The following AEBP2 variants were observed in gnomAD, a reference collection of about 807,000 sequenced individuals.
The protein encoded by AEBP2 is AE binding protein 2, also known as zinc finger protein AEBP2.
In AEBP2, 10 loss-of-function variants were observed where a neutral mutation model predicts 50.8. The ratio of observed to expected loss-of-function variants is 0.20; its 90% CI spans 0.12 to 0.33. The LOEUF is 0.33. Ranked by LOEUF, AEBP2 falls within the 10% of genes least tolerant of loss-of-function variation. The pLI is 1.00. For missense variants in AEBP2, 570 were observed against 688.0 expected (o/e 0.83, Z 1.92); for synonymous variants, 296 against 261.3 (o/e 1.13, Z -1.28).
At chr12:19,413,112 T>C (rs950761859) in intron 1 of AEBP2, 1 of 671,752 alleles carries the variant, frequency 1.5e-6, no homozygotes, top group African/African-American at 1.8e-5. Flanking sequence ...GAATTCAGTT[T>C]TTCCGGAATT....
At position 19,521,161 on chromosome 12, in the gene AEBP2, C is replaced by G. The variant is rs1949391843; in HGVS notation, c.*3044C>G. ...CTCTGGTCCTTTAAGAAAAAGTTTTCGATTCCTTTGTCTAGTTGACAAAAA... is the reference window on the plus strand; with the variant it reads ...CTCTGGTCCTTTAAGAAAAAGTTTTGGATTCCTTTGTCTAGTTGACAAAAA... On this transcript the variant is annotated 3_prime_UTR_variant, in exon 8 of 8. Transcript: ENST00000266508. 1 of 152,092 alleles carries G rather than the reference C, an allele frequency of 6.6e-6. No individual in the cohort carries two copies. The highest frequency in any genetic ancestry group is 2.1e-4 in the South Asian group (1 of 4,828). The allele number at this position is 152,092 out of a possible 1,614,324, so 9.4% of individuals were successfully genotyped here.
At chr12:19,509,076 C>T in intron 5 of AEBP2, 1 of 576,696 alleles carries the variant, frequency 1.7e-6, no homozygotes. Flanking sequence ...GGGGTTCGTG[C>T]TGTGAGACCT....
chr12:19,425,605 C>T (rs549223806), intron 1 of AEBP2, among the ~76,000 whole-genome samples: 1 of 151,716 alleles, frequency 6.6e-6, no homozygotes, highest in African/African-American at 2.4e-5. Context: ...GAAACCCTGT[C>T]TCTACTAAAA....
At chr12:19,477,600 ATGTTAAACC>A (rs1298548305) in intron 3 of AEBP2, among the ~76,000 whole-genome samples, 2 of 152,150 alleles carry the variant, frequency 1.3e-5, no homozygotes, top group African/African-American at 4.8e-5. Flanking sequence ...TGACTTGTGT[ATGTTAAACC>A]ATCTCTGCAT....
intron 2 of AEBP2, among the ~76,000 whole-genome samples, chr12:19,469,465 A>G (rs1000813154): frequency 6.6e-6 from 1 of 152,180 alleles, no homozygotes; most frequent in African/African-American, 2.4e-5. Flanking sequence ...TTCTTCCAAG[A>G]TTACATAGCT....
chr12:19,413,909 T>G (rs7976119), intron 1 of AEBP2, among the ~76,000 whole-genome samples: 2,101 of 151,874 alleles, frequency 0.014, 40 homozygotes, highest in African/African-American at 0.048. Context: ...TTTGTTTTTT[T>G]TTTTGAGACA....
chr12:19,458,787 A>G (rs1024171655), intron 1 of AEBP2, among the ~76,000 whole-genome samples: 52 of 152,332 alleles, frequency 3.4e-4, no homozygotes, highest in African/African-American at 1.3e-3. Flanking sequence ...TAAAAGCAGT[A>G]TAGGTACAGC....
intron 1 of AEBP2, chr12:19,440,673 C>T (rs1565703209): frequency 6.5e-7 from 1 of 1,533,012 alleles, no homozygotes; most frequent in Non-Finnish European, 8.7e-7. Flanking sequence ...CAAACGGGCC[C>T]AGATCCTCTG....
upstream of AEBP2, among the ~76,000 whole-genome samples, chr12:19,438,288 T>C (rs1947882015): frequency 6.6e-6 from 1 of 152,240 alleles, no homozygotes; most frequent in Non-Finnish European, 1.5e-5. Context: ...ATTTTTTCTT[T>C]GTTAGATCTT....
chr12:19,444,067 C>G (rs923985879), intron 1 of AEBP2, among the ~76,000 whole-genome samples: 10 of 152,050 alleles, frequency 6.6e-5, no homozygotes, highest in African/African-American at 2.4e-4. Flanking sequence ...TTTCTTTACT[C>G]TGAACTTTTT....
chr12:19,440,316 G>T lies in AEBP2; in HGVS notation c.617G>T (p.Ser206Ile). 1.4e-6 allele frequency: 2 copies of T among 1,467,534 alleles called. No individual in the cohort carries two copies. Among genetic ancestry groups the T allele is most frequent in the Non-Finnish European group, 1.8e-6 (2 of 1,117,794 alleles). The allele number at this position is 1,467,534 out of a possible 1,614,324, so 90.9% of individuals were successfully genotyped here. A position where few individuals can be genotyped will look rare whatever the true frequency, so the allele number is the denominator to read the frequency against. The change falls in exon 1 of 8, where the codon AGC becomes ATC. Residue 206 changes from serine (S) to isoleucine (I), a missense_variant. This residue lies in a region of AEBP2 where 386 missense variants were observed against 336.8 expected (regional missense o/e 1.15). Coordinates refer to ENST00000266508, the MANE Select transcript of AEBP2 (RefSeq NM_153207.5). ...SSATSGGRRGSLEMSSDGEPL... is the reference protein window; with the variant it reads ...SSATSGGRRGILEMSSDGEPL... ...GCGACCTCCGGGGGCCGGCGGGGCA[G>T]CTTGGAGATGTCGTCGGATGGGGAA...
At chr12:19,416,606 T>C (rs2095742723) in intron 1 of AEBP2, among the ~76,000 whole-genome samples, 1 of 151,366 alleles carries the variant, frequency 6.6e-6, no homozygotes, top group Non-Finnish European at 1.5e-5. Flanking sequence ...GGTTTCACCA[T>C]GTTGGCCAGG....
chr12:19,467,402 TC>T (rs568585868), intron 2 of AEBP2, among the ~76,000 whole-genome samples: 66 of 152,286 alleles, frequency 4.3e-4, no homozygotes, highest in African/African-American at 1.5e-3. Context: ...CGAGTGATGC[TC>T]CTGTGTCAGC....
At chr12:19,465,229 C>T (rs933960218) in intron 2 of AEBP2, among the ~76,000 whole-genome samples, 1 of 151,720 alleles carries the variant, frequency 6.6e-6, no homozygotes, top group Non-Finnish European at 1.5e-5. Context: ...CCCGTCTCTA[C>T]TAAAAAATAC....
intron 2 of AEBP2, among the ~76,000 whole-genome samples, chr12:19,470,830 G>GT (rs1948560585): frequency 6.6e-6 from 1 of 151,606 alleles, no homozygotes; most frequent in Non-Finnish European, 1.5e-5. Flanking sequence ...AGAGTAGGGC[G>GT]GGGGGGTCAC....
rs538028181 is a variant in AEBP2, at chr12:19,461,378, C to G, written c.672-1132C>G. Among the ~76,000 whole-genome samples the G allele has an allele frequency of 3.9e-5, 6 of 152,234 alleles. No homozygotes were observed. In the East Asian group the frequency reaches 5.8e-4, roughly 15 times the overall value. ...TTTTATTAAGATGTGAATTTTTGAG[C>G]ATTTTGACCACTAGTATATACTTTT... On this transcript the variant is annotated intron_variant, in intron 1 of 7. Transcript: ENST00000266508.
chr12:19,482,375 C>G (rs1428469642), intron 3 of AEBP2, among the ~76,000 whole-genome samples: 1 of 152,156 alleles, frequency 6.6e-6, no homozygotes, highest in East Asian at 1.9e-4. Flanking sequence ...TACTTGCTTT[C>G]TTGAATACTG....
chr12:19,479,533 A>G (rs529621757), intron 3 of AEBP2, among the ~76,000 whole-genome samples: 1 of 149,420 alleles, frequency 6.7e-6, no homozygotes, highest in Non-Finnish European at 1.5e-5. Flanking sequence ...TTATTATTAC[A>G]TAATTATGTT....
intron 5 of AEBP2, among the ~76,000 whole-genome samples, chr12:19,510,557 A>G (rs553509592): frequency 6.6e-6 from 1 of 152,310 alleles, no homozygotes; most frequent in South Asian, 2.1e-4. Context: ...TAATCAAAAA[A>G]TGAAGCGTAC....
Sources: gnomAD v4.1 joint callset for allele counts (sites outside exome capture counted in the v4.1 genomes callset) on GRCh38, gnomAD v4.1.1 for gene constraint, gnomAD v4.1.1 regional missense constraint, MANE v1.5 for transcripts, NCBI Gene and HGNC (gene_info 2026-07-23, HGNC 2026-07-21) for gene names.